Variants in DLG2 observed in about 807,000 individuals in gnomAD.
DLG2 encodes disks large homolog 2.
In DLG2, 45 loss-of-function variants were observed where a neutral mutation model predicts 132.5. The ratio of observed to expected loss-of-function variants is 0.34; its 90% CI spans 0.27 to 0.44. The LOEUF (loss-of-function observed/expected upper bound fraction) is 0.44. Ranked by LOEUF, DLG2 falls within the 20% of genes least tolerant of loss-of-function variation. The pLI is 1.00. For synonymous variants in DLG2, 424 were observed against 419.6 expected, an observed-to-expected ratio of 1.01 and a Z score of -0.13; for missense variants, 1,045 against 1,196.9, an observed-to-expected ratio of 0.87 and a Z score of 1.87.
chr11:85,573,652 T>C (rs200958572), intron 3 of DLG2, among the ~76,000 whole-genome samples: 2 of 152,208 alleles, frequency 1.3e-5, no homozygotes, highest in East Asian at 3.8e-4. Context: ...CTGTAGTTTC[T>C]GTCAACTAAC....
intron 8 of DLG2, among the ~76,000 whole-genome samples, chr11:84,215,343 C>T (rs1208172178): frequency 2.0e-5 from 3 of 152,066 alleles, no homozygotes; most frequent in African/African-American, 4.8e-5. Flanking sequence ...CTGGGAAGAG[C>T]GTGTATCTGT....
chr11:84,385,877 A>G (rs2098767927), intron 7 of DLG2, among the ~76,000 whole-genome samples: 1 of 152,132 alleles, frequency 6.6e-6, no homozygotes, highest in Admixed American at 6.6e-5. Flanking sequence ...AAATTGCTAT[A>G]GAAGCTCAAT....
intron 14 of DLG2, among the ~76,000 whole-genome samples, chr11:83,948,229 G>A (rs981674181): frequency 5.3e-5 from 8 of 152,176 alleles, no homozygotes; most frequent in Non-Finnish European, 1.2e-4. Flanking sequence ...TTAGGAAGGA[G>A]TATACATGAG....
At position 85,106,437 on chromosome 11, in the gene DLG2, T is replaced by C. The variant is rs74731624; in HGVS notation, c.357+5224A>G. On this transcript the variant is annotated intron_variant, in intron 6 of 27. Coordinates refer to ENST00000376104, the MANE Select transcript of DLG2 (RefSeq NM_001142699.3). ...CTGCTTTCAAAGTCTTAAAGAGTTG[T>C]ATATTAACTCCTAGAACCTTTTTCC... 2.2e-3 allele frequency among the ~76,000 whole-genome samples: 340 copies of C among 152,092 alleles called. 1 individual carries two copies. Among genetic ancestry groups the C allele is most frequent in the East Asian group, 0.016 (80 of 5,152 alleles).
At chr11:83,790,185 A>G in intron 17 of DLG2, 1 of 860,136 alleles carries the variant, frequency 1.2e-6, no homozygotes. Context: ...CCATTTTCAG[A>G]GTCCCTGACT....
At chr11:83,870,146 A>G (rs2063152225) in intron 16 of DLG2, among the ~76,000 whole-genome samples, 1 of 152,202 alleles carries the variant, frequency 6.6e-6, no homozygotes, top group South Asian at 2.1e-4. Context: ...AAAAATTTGT[A>G]TACATTTAAG....
At chr11:84,463,995 C>T (rs1387520801) in intron 7 of DLG2, among the ~76,000 whole-genome samples, 2 of 151,200 alleles carry the variant, frequency 1.3e-5, no homozygotes, top group East Asian at 3.9e-4. Context: ...ATTATGTATA[C>T]AGCAACATAC....
intron 18 of DLG2, among the ~76,000 whole-genome samples, chr11:83,670,057 A>C (rs556687240): frequency 1.3e-5 from 2 of 152,328 alleles, no homozygotes; most frequent in Admixed American, 1.3e-4. Context: ...TGGTGGGTGC[A>C]ATATCACATC....
chr11:85,425,180 A>G (rs2090618618), intron 3 of DLG2, among the ~76,000 whole-genome samples: 1 of 152,246 alleles, frequency 6.6e-6, no homozygotes, highest in Non-Finnish European at 1.5e-5. Flanking sequence ...TCTAAGGTTT[A>G]AAGCAGAACA....
At chr11:85,542,323 C>A (rs1386602421) in intron 3 of DLG2, among the ~76,000 whole-genome samples, 1 of 152,094 alleles carries the variant, frequency 6.6e-6, no homozygotes, top group Non-Finnish European at 1.5e-5. Context: ...TTGGAGAACT[C>A]CCCCACGGAC....
At chr11:84,237,412 A>G (rs1465268313) in intron 8 of DLG2, among the ~76,000 whole-genome samples, 4 of 152,190 alleles carry the variant, frequency 2.6e-5, no homozygotes, top group Non-Finnish European at 5.9e-5. Context: ...CGTTCCTCTC[A>G]GCATGCCATT....
At chr11:85,037,074 C>A (rs1054650948) in intron 6 of DLG2, among the ~76,000 whole-genome samples, 10 of 152,190 alleles carry the variant, frequency 6.6e-5, no homozygotes, top group African/African-American at 2.4e-4. Flanking sequence ...CCTCTGAAGG[C>A]TGTTGGCATC....
chr11:84,498,723 G>C (rs1255721537), intron 7 of DLG2, among the ~76,000 whole-genome samples: 1 of 152,108 alleles, frequency 6.6e-6, no homozygotes, highest in Non-Finnish European at 1.5e-5. Flanking sequence ...AGCATTCTTA[G>C]AGCATTACAG....
chr11:84,632,521 C>T (rs1316087329), intron 6 of DLG2, among the ~76,000 whole-genome samples: 1 of 152,104 alleles, frequency 6.6e-6, no homozygotes, highest in African/African-American at 2.4e-5. Flanking sequence ...TAAATTTGAT[C>T]CCATTTTACA....
rs111448212 is a variant in DLG2, at chr11:84,779,891, C to CAA, written c.358-245162_358-245161dup. On this transcript the variant is annotated intron_variant, in intron 6 of 27. Transcript: ENST00000376104. ...GATCAATAACAAAACAATCTCTCAA[C>CAA]AAAAAAAAAAGCCCAGGACCAGGAC... Among the ~76,000 whole-genome samples the CAA allele has an allele frequency of 3.1e-4, 45 of 146,306 alleles. 1 individual carries two copies. Among genetic ancestry groups the CAA allele is most frequent in the Admixed American group, 1.2e-3 (17 of 14,694 alleles).
rs1208488891 is a variant in DLG2 at position 85,598,744 on chromosome 11, A to AT, written c.-49dup. 1 of 1,530,514 alleles carries AT rather than the reference A, an allele frequency of 6.5e-7. No homozygotes were observed. The allele number at this position is 1,530,514 out of a possible 1,614,324, so 94.8% of individuals were successfully genotyped here. A position where few individuals can be genotyped will look rare whatever the true frequency, so the allele number is the denominator to read the frequency against. ...AACAGCTGCTCCTCTGGTTTCCTTA[A>AT]TTTTTTGCAGTATTCTTCCAGTAAT... On this transcript the variant is annotated 5_prime_UTR_variant, in exon 3 of 28. Transcript: ENST00000376104.
At chr11:85,032,685 C>A (rs545614309) in intron 6 of DLG2, among the ~76,000 whole-genome samples, 1 of 152,266 alleles carries the variant, frequency 6.6e-6, no homozygotes, top group East Asian at 1.9e-4. Flanking sequence ...TATAGCCTAT[C>A]ACTTCTAGTT....
At chr11:85,379,826 A>C (rs1298365750) in intron 3 of DLG2, among the ~76,000 whole-genome samples, 1 of 152,206 alleles carries the variant, frequency 6.6e-6, no homozygotes, top group Non-Finnish European at 1.5e-5. Flanking sequence ...ACTCCCTCAA[A>C]TGCTAAATGG....
At position 84,221,343 on chromosome 11, in the gene DLG2, A is replaced by G. The variant is rs978461447; in HGVS notation, c.573+29895T>C. ...GCCAGGCATGGTGGCACGCGCCTGT[A>G]GTCCCAGCTACTCAGGAGGCTGAGG... On this transcript the variant is annotated intron_variant, in intron 8 of 27. Coordinates refer to ENST00000376104, the MANE Select transcript of DLG2 (RefSeq NM_001142699.3). Among the ~76,000 whole-genome samples the G allele has an allele frequency of 3.3e-5, 5 of 152,044 alleles. No homozygotes were observed. The South Asian group carries it at 1.0e-3, about 32-fold the overall frequency.
Sources: gnomAD v4.1 joint callset for allele counts (sites outside exome capture counted in the v4.1 genomes callset) on GRCh38, gnomAD v4.1.1 for gene constraint, MANE v1.5 for transcripts, NCBI Gene and HGNC (gene_info 2026-07-23, HGNC 2026-07-21) for gene names.